The following RARB variants were observed in gnomAD, a reference collection of about 807,000 sequenced individuals.
RARB encodes the protein retinoic acid receptor beta.
RARB carries 17 observed loss-of-function variants against 51.9 expected under a neutral mutation model. The observed-to-expected ratio is 0.33, with a 90% CI of 0.22 to 0.49. RARB has a LOEUF of 0.49. Among genes scored for constraint, RARB ranks in the 20% least tolerant of loss-of-function variants. The probability of loss-of-function intolerance (pLI) is 0.99; values close to 1 mark genes in which losing one functional copy is unlikely to be tolerated. For synonymous variants in RARB, 215 were observed against 195.4 expected (o/e 1.10, Z -0.84); for missense variants, 369 against 550.8 (o/e 0.67, Z 3.30).
chr3:24,901,935 T>G (rs912302884), intron 2 of RARB, among the ~76,000 whole-genome samples: 58 of 151,998 alleles, frequency 3.8e-4, no homozygotes, highest in Non-Finnish European at 1.5e-4. Flanking sequence ...TTTTTGCCAT[T>G]GAAAGTAATG....
At chr3:25,255,456 A>G (rs1702841393) in intron 5 of RARB, among the ~76,000 whole-genome samples, 1 of 152,114 alleles carries the variant, frequency 6.6e-6, no homozygotes, top group Non-Finnish European at 1.5e-5. Flanking sequence ...TCCCTCAGAA[A>G]GGGTACAATT....
intron 2 of RARB, among the ~76,000 whole-genome samples, chr3:24,874,626 T>C (rs1703008137): frequency 6.6e-6 from 1 of 152,048 alleles, no homozygotes; most frequent in African/African-American, 2.4e-5. Flanking sequence ...TTTGATTAGA[T>C]TTTGACTCAT....
intron 2 of RARB, among the ~76,000 whole-genome samples, chr3:25,050,445 T>A (rs930588459): frequency 2.0e-5 from 3 of 152,132 alleles, no homozygotes; most frequent in East Asian, 1.9e-4. Context: ...AAAAAAAAAA[T>A]TAACTCTCAT....
chr3:24,932,138 C>T (rs974684751), intron 2 of RARB, among the ~76,000 whole-genome samples: 3 of 152,094 alleles, frequency 2.0e-5, no homozygotes, highest in African/African-American at 7.2e-5. Context: ...ACCACATGCT[C>T]TAATGAGAAA....
intron 5 of RARB, among the ~76,000 whole-genome samples, chr3:25,256,690 T>A (rs1702872771): frequency 6.6e-6 from 1 of 151,990 alleles, no homozygotes; most frequent in South Asian, 2.1e-4. Context: ...GTGTCATAAA[T>A]GAAATTCTAC....
chr3:24,991,210 G>A (rs909056140), intron 2 of RARB, among the ~76,000 whole-genome samples: 1 of 152,196 alleles, frequency 6.6e-6, no homozygotes, highest in African/African-American at 2.4e-5. Context: ...GGAGGCTGAG[G>A]TGGGCAGATC....
chr3:25,183,144 G>A (rs996504745), intron 5 of RARB, among the ~76,000 whole-genome samples: 3 of 152,230 alleles, frequency 2.0e-5, no homozygotes, highest in South Asian at 2.1e-4. Flanking sequence ...CTATGTTTTC[G>A]AAACTTTCTC....
rs375257953 is a variant in RARB, at chr3:25,125,493, A to C, written c.-327-6668A>C. ...GGAAAGTACTAGGGCGTATGAAGGAATAACCAGGGCAAAAATTGATGTTCA... is the reference window on the plus strand; with the variant it reads ...GGAAAGTACTAGGGCGTATGAAGGACTAACCAGGGCAAAAATTGATGTTCA... On this transcript the variant is annotated intron_variant, in intron 3 of 11. Transcript: ENST00000383772. 3.9e-5 allele frequency among the ~76,000 whole-genome samples: 6 copies of C among 152,338 alleles called. No individual in the cohort carries two copies. In the East Asian group the frequency reaches 9.7e-4, roughly 25 times the overall value.
At chr3:25,408,377 G>T (rs1707470860) in intron 5 of RARB, among the ~76,000 whole-genome samples, 1 of 152,110 alleles carries the variant, frequency 6.6e-6, no homozygotes, top group African/African-American at 2.4e-5. Flanking sequence ...ATCTTCCTAT[G>T]GCCAAGCAGG....
intron 5 of RARB, among the ~76,000 whole-genome samples, chr3:25,318,782 A>G (rs1443490678): frequency 6.6e-6 from 1 of 152,218 alleles, no homozygotes; most frequent in Admixed American, 6.5e-5. Context: ...TTTAAAAATT[A>G]CCACCCTGAA....
rs2125466790 is a variant in RARB, at chr3:25,364,795, T to C, written c.179-96398T>C. On this transcript the variant is annotated intron_variant, in intron 5 of 11. Coordinates refer to the RARB transcript ENST00000383772. Reference sequence around the variant, plus strand: ...TATAACTTTGCACAATTTATTTCTGTCTTCCTTTGCCTTTTAAACATGTGA... The same window carrying C: ...TATAACTTTGCACAATTTATTTCTGCCTTCCTTTGCCTTTTAAACATGTGA... Among the ~76,000 whole-genome samples, 2 of 152,354 alleles carry C rather than the reference T, an allele frequency of 1.3e-5. 1 individual carries two copies. The highest frequency in any genetic ancestry group is 6.8e-3 in the Middle Eastern group (2 of 294).
At chr3:24,945,298 T>G (rs1480972070) in intron 2 of RARB, among the ~76,000 whole-genome samples, 1 of 152,178 alleles carries the variant, frequency 6.6e-6, no homozygotes, top group Non-Finnish European at 1.5e-5. Context: ...CTCTCCCTTT[T>G]AAAAGGATCT....
intron 5 of RARB, among the ~76,000 whole-genome samples, chr3:25,183,209 G>T (rs1700899318): frequency 6.6e-6 from 1 of 152,120 alleles, no homozygotes; most frequent in South Asian, 2.1e-4. Flanking sequence ...TCCTTATAAT[G>T]ACTTTCTTTT....
At chr3:25,159,415 C>CG (rs1553638599) in intron 4 of RARB, among the ~76,000 whole-genome samples, 1 of 150,802 alleles carries the variant, frequency 6.6e-6, no homozygotes, top group African/African-American at 2.4e-5. Flanking sequence ...ATGATCCACC[C>CG]CCCCCGCTCC....
chr3:25,288,560 ATG>A (rs1703710801), intron 5 of RARB, among the ~76,000 whole-genome samples: 2 of 152,132 alleles, frequency 1.3e-5, no homozygotes, highest in South Asian at 4.1e-4. Flanking sequence ...GCCAATTTGC[ATG>A]TGTGAGTGAT....
chr3:25,307,230 AC>A (rs1257493366), intron 5 of RARB, among the ~76,000 whole-genome samples: 2 of 152,078 alleles, frequency 1.3e-5, no homozygotes, highest in African/African-American at 4.8e-5. Context: ...TACTAAAAAT[AC>A]AAAAAATTAG....
chr3:25,419,919 A>G (rs1030669765), intron 5 of RARB, among the ~76,000 whole-genome samples: 4 of 152,194 alleles, frequency 2.6e-5, no homozygotes, highest in African/African-American at 9.7e-5. Flanking sequence ...AACAATAACA[A>G]AATGCAAAAA....
chr3:24,893,922 G>C (rs1703433579), intron 2 of RARB, among the ~76,000 whole-genome samples: 1 of 152,074 alleles, frequency 6.6e-6, no homozygotes, highest in African/African-American at 2.4e-5. Context: ...GACTACAAAA[G>C]CTCAAAACAA....
chr3:25,390,030 G>T (rs775667153), intron 5 of RARB, among the ~76,000 whole-genome samples: 17 of 152,132 alleles, frequency 1.1e-4, no homozygotes, highest in Non-Finnish European at 1.9e-4. Flanking sequence ...ATTTGAAGGG[G>T]CTGAGGTTAT....
Sources: gnomAD v4.1 joint callset for allele counts (sites outside exome capture counted in the v4.1 genomes callset) on GRCh38, gnomAD v4.1.1 for gene constraint, MANE v1.5 for transcripts, NCBI Gene and HGNC (gene_info 2026-07-23, HGNC 2026-07-21) for gene names.